ARAP1: variants seen among roughly 807,000 people sequenced by gnomAD.
ARAP1 encodes the protein ArfGAP with RhoGAP domain, ankyrin repeat and PH domain 1.
In ARAP1, 76 loss-of-function variants were observed where a neutral mutation model predicts 172.2. The ratio of observed to expected loss-of-function variants is 0.44; its 90% confidence interval spans 0.37 to 0.53. The LOEUF is 0.53. ARAP1 is among the 20% of genes least tolerant of loss of function. The pLI, the probability that ARAP1 is intolerant of heterozygous loss-of-function variation, is 0.00. For synonymous variants in ARAP1, 804 were observed against 803.3 expected, an observed-to-expected ratio of 1.00 and a Z score of -0.01; for missense variants, 1,686 against 1,977.5, an observed-to-expected ratio of 0.85 and a Z score of 2.80.
At position 72,726,865 on chromosome 11, in the gene ARAP1, G is replaced by A; in HGVS notation, c.264C>T (p.Ile88=). 1 of 1,566,190 alleles carries A rather than the reference G, an allele frequency of 6.4e-7. No homozygotes were observed. Among genetic ancestry groups the A allele is most frequent in the Non-Finnish European group, 8.7e-7 (1 of 1,155,050 alleles). Residue 88 remains isoleucine, a synonymous_variant, in exon 3 of 35, where the codon ATC becomes ATT. Coordinates refer to ENST00000393609, the MANE Select transcript of ARAP1 (RefSeq NM_001040118.3). The surrounding 1 kb of genome is among the most constrained non-coding windows in gnomAD (Gnocchi z 6.5). The stretch of plus-strand genomic sequence containing the variant: ...TGGCAGGCACAGGTGGTGAGCGGAA[G>A]ATGTGGCGCTTCATGGGCACAGGCC... ...TPRPVPMKRH[I]FRSPPVPATP... is the part of the protein sequence containing the mutation.
intron 1 of ARAP1, among the ~76,000 whole-genome samples, chr11:72,738,513 C>A (rs755768273): frequency 4.6e-5 from 7 of 152,082 alleles, no homozygotes; most frequent in Non-Finnish European, 1.0e-4. Flanking sequence ...CTATGGGGAG[C>A]AAGGAGGGGA....
chr11:72,689,640 T>G (rs1437623106), intron 30 of ARAP1: 9 of 152,270 alleles, frequency 5.9e-5, no homozygotes, highest in Admixed American at 5.9e-4. Context: ...AAGACCTCTG[T>G]GCTCTCACAG....
intron 33 of ARAP1, 166 bp downstream of exon 33, chr11:72,687,255 TGGGGCTGGACTAACAGTA>T: frequency 1.3e-6 from 1 of 744,018 alleles, no homozygotes; most frequent in Non-Finnish European, 2.2e-6. Flanking sequence ...ATCCCTGGCT[TGGGGCTGGACTAACAGTA>T]GGTGCTAGGA....
intron 3 of ARAP1, among the ~76,000 whole-genome samples, chr11:72,719,272 A>C (rs189136180): frequency 6.6e-6 from 1 of 152,296 alleles, no homozygotes; most frequent in East Asian, 1.9e-4. Context: ...ACCCATGACC[A>C]CATAATTCAT....
intron 2 of ARAP1, among the ~76,000 whole-genome samples, chr11:72,730,201 T>G (rs1009633819): frequency 2.6e-5 from 4 of 152,082 alleles, no homozygotes; most frequent in Non-Finnish European, 5.9e-5. Flanking sequence ...GCAAAGAGTA[T>G]GAATGAAAAA....
rs777326022 is a variant in ARAP1 at position 72,726,678 on chromosome 11, C to T, written c.451G>A (p.Ala151Thr). 6.5e-7 allele frequency: 1 copy of T among 1,546,662 alleles called. No homozygotes were observed. The highest frequency in any genetic ancestry group is 2.4e-5 in the East Asian group (1 of 41,702). Residue 151 changes from alanine (A) to threonine (T), a missense_variant, in exon 3 of 35, where the codon GCA becomes ACA. By Grantham distance (58) the Ala-to-Thr change is moderately conservative. Transcript: ENST00000393609. The surrounding 1 kb of genome is among the most constrained non-coding windows in gnomAD (Gnocchi z 6.5). ...LPPLPAKRHL[A>T]ELSVPPVPPR... is the part of the protein sequence containing the mutation. ...GGCACGGGTGGAACGCTCAGCTCTG[C>T]CAAATGCCGCTTAGCAGGCAGCGGG...
chr11:72,685,681 G>GGAA lies in ARAP1; in HGVS notation c.4336-1_4336insTTC (p.Ser1445_Leu1446insPhe). 6.2e-7 allele frequency: 1 copy of GGAA among 1,614,058 alleles called. No homozygotes were observed. ...TCCTGTGCTCAGACGTTGCGCAGAA[G>GGAA]CTGCAGGAAGGCAAGAGACCCACAG... On this transcript the variant is annotated inframe_insertion and splice_region_variant. Transcript: ENST00000393609.
Position 72,705,798 on chromosome 11 carries a change from T to TCCCC in ARAP1, c.1809+3_1809+6dup. On this transcript the variant is annotated splice_region_variant and intron_variant, in intron 13 of 34. Coordinates refer to ENST00000393609, the MANE Select transcript of ARAP1 (RefSeq NM_001040118.3). ...CAAGTATCGGTGGCAAGCAGGGGCA[T>TCCCC]CCCCACCTCGATAAGTGTTTCTGTC... is the stretch of plus-strand genomic sequence containing the variant. The TCCCC allele has an allele frequency of 6.2e-7, 1 of 1,613,992 alleles. No individual in the cohort carries two copies.
At chr11:72,735,539 TG>T (rs1437179942) in intron 1 of ARAP1, among the ~76,000 whole-genome samples, 5 of 152,098 alleles carry the variant, frequency 3.3e-5, no homozygotes, top group Non-Finnish European at 7.4e-5. Context: ...GAGGTTGCAG[TG>T]AGCTGAGATC....
At chr11:72,717,342 G>A (rs1857323218) in intron 3 of ARAP1, among the ~76,000 whole-genome samples, 1 of 152,188 alleles carries the variant, frequency 6.6e-6, no homozygotes, top group Non-Finnish European at 1.5e-5. Flanking sequence ...CTCAGTCCAG[G>A]GAGGTGGGGA....
chr11:72,711,268 G>C, intron 8 of ARAP1, 127 bp from the exon 9 acceptor site: 3 of 1,497,890 alleles, frequency 2.0e-6, no homozygotes, highest in Non-Finnish European at 2.7e-6. Context: ...TGCTGACCCT[G>C]ACTGCAGCCC....
chr11:72,750,391 T>A (rs1181371006), intron 1 of ARAP1, among the ~76,000 whole-genome samples: 1 of 151,286 alleles, frequency 6.6e-6, no homozygotes, highest in Non-Finnish European at 1.5e-5. Flanking sequence ...GAGAGTTGGG[T>A]GGGAAGGAGA....
intron 3 of ARAP1, among the ~76,000 whole-genome samples, chr11:72,722,712 CCTT>C (rs1400855247): frequency 6.6e-6 from 1 of 152,206 alleles, no homozygotes; most frequent in African/African-American, 2.4e-5. Flanking sequence ...GGCACACACT[CCTT>C]CTTCCTGAGG....
chr11:72,714,221 G>A lies in ARAP1; in HGVS notation c.610C>T (p.Gln204Ter). Residue 204 changes from glutamine (Q) to a stop codon, truncating the protein, a stop_gained, in exon 4 of 35, where the codon CAG (glutamine) becomes TAG (stop). Transcript: ENST00000393609. LOFTEE classifies it high-confidence loss of function. ...GGGCAGGGAGGTGGAGAGGGAGGCT[G>A]GGGAGGCCCCTGGGGGAGGGTGGAC... is the stretch of plus-strand genomic sequence containing the variant. The part of the protein sequence containing the change: ...PLSTLPQGPP[Q>*]PPSPPPCPPE... 6.6e-7 allele frequency: 1 copy of A among 1,524,126 alleles called. No individual in the cohort carries two copies. Among genetic ancestry groups the A allele is most frequent in the Non-Finnish European group, 8.8e-7 (1 of 1,139,790 alleles). The allele number at this position is 1,524,126 out of a possible 1,614,324, so 94.4% of individuals were successfully genotyped here.
chr11:72,692,880 C>T, intron 29 of ARAP1, 95 bp from the exon 30 acceptor site: 1 of 1,480,334 alleles, frequency 6.8e-7, no homozygotes, highest in East Asian at 2.3e-5. Flanking sequence ...GTGTGTATGG[C>T]ATGTATGTGC....
chr11:72,750,995 A>G (rs1409121205), intron 1 of ARAP1, among the ~76,000 whole-genome samples: 1 of 152,146 alleles, frequency 6.6e-6, no homozygotes, highest in East Asian at 1.9e-4. Context: ...GGATGTGTGA[A>G]GCATGGCTGG....
Position 72,686,054 on chromosome 11 carries a change from C to T in ARAP1, c.4323G>A (p.Ala1441=), listed in dbSNP as rs778011665. The T allele has an allele frequency of 1.3e-5, 21 of 1,614,044 alleles. No homozygotes were observed. Among genetic ancestry groups the T allele is most frequent in the East Asian group, 6.7e-5 (3 of 44,896 alleles). The change falls in exon 34 of 35, where the codon GCG becomes GCA. Residue 1441 remains alanine (A), a synonymous_variant. Transcript: ENST00000393609. ...GAGAGCCACTCACAGACAGAGGGTC[C>T]GCGGTGAAGGCAGCCACACTCCGGC... The part of the protein sequence containing the change: ...EMRRSVAAFT[A]DPLSLLRNV
In ARAP1 at chr11:72,728,478, G is replaced by T. The variant is rs149938048; in HGVS notation, c.-44-1306C>A. ...CGCCTGTAGTCCCAGCTACTCAGGA[G>T]GCTGAGGCAGGAGAATTGCTTGAAC... On this transcript the variant is annotated intron_variant, in intron 2 of 34. Transcript: ENST00000393609. 4.6e-3 allele frequency among the ~76,000 whole-genome samples: 697 copies of T among 152,260 alleles called. 4 individuals are homozygous for T. The highest frequency in any genetic ancestry group is 0.016 in the African/African-American group (669 of 41,530).
rs771885718 is a variant in ARAP1 at position 72,699,589 on chromosome 11, C to A, written c.2303-37G>T. On this transcript the variant is annotated intron_variant, in intron 16 of 34. Coordinates refer to ENST00000393609, the MANE Select transcript of ARAP1 (RefSeq NM_001040118.3). This position sits in a 1 kb window ranked among gnomAD's most constrained non-coding sequence, Gnocchi z 4.2. ...TTGGGCAGGGGAGCCATCAGGGAGC[C>A]CCCCACCACCTGAAAACCACCTCTG... is the stretch of plus-strand genomic sequence containing the variant. 15 of 1,593,972 alleles carry A rather than the reference C, an allele frequency of 9.4e-6. No homozygotes were observed. The African/African-American group carries it at 1.5e-4, about 16-fold the overall frequency.
Sources: allele counts gnomAD v4.1 joint callset (sites outside exome capture counted in the v4.1 genomes callset), GRCh38; gene constraint gnomAD v4.1.1; non-coding constraint Gnocchi (gnomAD v3.1); transcripts MANE v1.5; gene names NCBI Gene and HGNC (gene_info 2026-07-23, HGNC 2026-07-21).